The following CDH10 variants were observed in gnomAD, a reference collection of about 807,000 sequenced individuals.
CDH10 encodes cadherin-10.
CDH10 carries 30 observed loss-of-function variants against 73.1 expected under a neutral mutation model. That is an observed-to-expected ratio of 0.41 (90% CI 0.31 to 0.56). The LOEUF (loss-of-function observed/expected upper bound fraction) is 0.56. Ranked by LOEUF, CDH10 falls within the 20% of genes least tolerant of loss-of-function variation. The pLI is 0.27. For missense variants in CDH10, 815 were observed against 973.7 expected, an observed-to-expected ratio of 0.84 and a Z score of 2.17; for synonymous variants, 345 against 348.2, an observed-to-expected ratio of 0.99 and a Z score of 0.10.
At chr5:24,603,548 C>T (rs1418122607) in intron 1 of CDH10, among the ~76,000 whole-genome samples, 1 of 152,044 alleles carries the variant, frequency 6.6e-6, no homozygotes, top group Non-Finnish European at 1.5e-5. Context: ...TTGTAACTGT[C>T]ATATCAACAG....
chr5:24,537,400 A>G lies in CDH10; in HGVS notation c.506T>C (p.Val169Ala). The change falls in exon 3 of 12, where the codon GTT becomes GCT. Residue 169 changes from valine to alanine, a missense_variant. Around this residue, in one of 3 missense-constraint regions of CDH10, gnomAD observed 516 missense variants for 636.6 expected, o/e 0.81. Transcript: ENST00000264463. ...CTTACCTACAACAGACATTTCGGGAACACTAGCTGTATAGATTTCTTCTGG... is the reference window on the plus strand; with the variant it reads ...CTTACCTACAACAGACATTTCGGGAGCACTAGCTGTATAGATTTCTTCTGG... ...TFPEEIYTASVPEMSVVGTSV... is the reference protein window; with the variant it reads ...TFPEEIYTASAPEMSVVGTSV... 6.2e-7 allele frequency: 1 copy of G among 1,610,952 alleles called. No individual in the cohort carries two copies. Among genetic ancestry groups the G allele is most frequent in the Non-Finnish European group, 8.5e-7 (1 of 1,178,266 alleles).
At chr5:24,600,553 C>A (rs1746521947) in intron 1 of CDH10, among the ~76,000 whole-genome samples, 1 of 151,960 alleles carries the variant, frequency 6.6e-6, no homozygotes, top group Non-Finnish European at 1.5e-5. Flanking sequence ...TTGGAGGAAA[C>A]CACATCCTAC....
intron 8 of CDH10, among the ~76,000 whole-genome samples, chr5:24,500,666 T>G (rs1742459670): frequency 6.6e-6 from 1 of 152,234 alleles, no homozygotes; most frequent in Non-Finnish European, 1.5e-5. Context: ...CACAGTTACT[T>G]GTAAAATTAG....
intron 2 of CDH10, among the ~76,000 whole-genome samples, chr5:24,584,077 AT>A (rs985126778): frequency 1.2e-4 from 18 of 152,054 alleles, no homozygotes; most frequent in Non-Finnish European, 1.6e-4. Context: ...GAAGGCACAT[AT>A]TTTTTTCTTA....
intron 9 of CDH10, among the ~76,000 whole-genome samples, chr5:24,493,933 G>T (rs1742163649): frequency 6.6e-6 from 1 of 151,938 alleles, no homozygotes; most frequent in East Asian, 1.9e-4. Context: ...AAGAAATAAA[G>T]AAATTATTAC....
chr5:24,550,557 ATCT>A (rs1462614469), intron 2 of CDH10, among the ~76,000 whole-genome samples: 1 of 152,110 alleles, frequency 6.6e-6, no homozygotes, highest in Non-Finnish European at 1.5e-5. Flanking sequence ...TTCAGCTGAA[ATCT>A]TCTCTATCTT....
intron 5 of CDH10, among the ~76,000 whole-genome samples, chr5:24,516,466 G>A (rs538885457): frequency 8.3e-6 from 1 of 120,300 alleles, no homozygotes; most frequent in Admixed American, 7.9e-5. Flanking sequence ...TTTACTAATA[G>A]TGATTTTCAA....
Position 24,504,516 on chromosome 5 carries a change from T to G in CDH10, c.1393+596A>C, listed in dbSNP as rs1375089262. On this transcript the variant is annotated intron_variant, in intron 8 of 11. Transcript: ENST00000264463. ...TTTTCTCCTATTAATCTTTTTTTTT[T>G]TTTTTTTTTTTTTTTTTTTTTTTTT... Among the ~76,000 whole-genome samples, 231 of 30,380 alleles carry G rather than the reference T, an allele frequency of 7.6e-3. 51 individuals are homozygous for G. Among genetic ancestry groups the G allele is most frequent in the African/African-American group, 0.013 (162 of 12,180 alleles). The allele number at this position is 30,380 out of a possible 152,430, so 19.9% of individuals were successfully genotyped here.
At chr5:24,608,250 C>T (rs993460430) in intron 1 of CDH10, among the ~76,000 whole-genome samples, 16 of 151,976 alleles carry the variant, frequency 1.1e-4, no homozygotes, top group East Asian at 3.9e-4. Flanking sequence ...TGTCAACACA[C>T]GTGTTGTTTC....
chr5:24,514,249 A>C (rs574796585), intron 5 of CDH10, among the ~76,000 whole-genome samples: 1 of 152,280 alleles, frequency 6.6e-6, no homozygotes, highest in African/African-American at 2.4e-5. Context: ...AGCTTTACTC[A>C]GAGTTTCAAA....
At position 24,560,322 on chromosome 5, in the gene CDH10, T is replaced by C. The variant is rs539277739; in HGVS notation, c.232-22648A>G. Among the ~76,000 whole-genome samples the C allele has an allele frequency of 1.7e-3, 256 of 152,064 alleles. 1 individual carries two copies. The highest frequency in any genetic ancestry group is 3.4e-3 in the Middle Eastern group (1 of 294). Reference sequence around the variant, plus strand: ...TTAAACAGATCTGTAGGGAAATATGTTGGGAAAGAAGCCCAACCACCAACC... The same window carrying C: ...TTAAACAGATCTGTAGGGAAATATGCTGGGAAAGAAGCCCAACCACCAACC... On this transcript the variant is annotated intron_variant, in intron 2 of 11. Transcript: ENST00000264463.
At chr5:24,599,876 A>G (rs371568728) in intron 1 of CDH10, among the ~76,000 whole-genome samples, 1 of 152,164 alleles carries the variant, frequency 6.6e-6, no homozygotes, top group African/African-American at 2.4e-5. Flanking sequence ...TATTTGCACA[A>G]TACTAAAAAC....
intron 9 of CDH10, among the ~76,000 whole-genome samples, chr5:24,496,858 A>T (rs1204543401): frequency 1.3e-5 from 2 of 152,166 alleles, no homozygotes; most frequent in Non-Finnish European, 2.9e-5. Context: ...AATATATAAC[A>T]GTTTAGTTTA....
intron 5 of CDH10, among the ~76,000 whole-genome samples, chr5:24,523,084 C>T (rs1031716848): frequency 6.7e-6 from 1 of 148,584 alleles, no homozygotes; most frequent in South Asian, 2.2e-4. Context: ...ATACAGAAAA[C>T]GGGGATGGGG....
At chr5:24,538,372 C>T (rs1314071193) in intron 2 of CDH10, among the ~76,000 whole-genome samples, 1 of 152,048 alleles carries the variant, frequency 6.6e-6, no homozygotes, top group Non-Finnish European at 1.5e-5. Context: ...TAAAAACCTA[C>T]AAGGACAAAT....
At chr5:24,523,342 A>G (rs1743407217) in intron 5 of CDH10, among the ~76,000 whole-genome samples, 1 of 152,162 alleles carries the variant, frequency 6.6e-6, no homozygotes, top group Non-Finnish European at 1.5e-5. Flanking sequence ...TATTTTATAT[A>G]TGTATATATA....
chr5:24,503,897 A>T (rs186606752), intron 8 of CDH10, among the ~76,000 whole-genome samples: 4 of 152,192 alleles, frequency 2.6e-5, no homozygotes, highest in Non-Finnish European at 5.9e-5. Flanking sequence ...AGAAGTAGTA[A>T]TATCTACCTA....
intron 1 of CDH10, among the ~76,000 whole-genome samples, chr5:24,644,305 G>A (rs1193740362): frequency 6.6e-6 from 1 of 152,118 alleles, no homozygotes; most frequent in African/African-American, 2.4e-5. Flanking sequence ...TTTAGCATTT[G>A]TTCCAAGTGA....
intron 11 of CDH10, among the ~76,000 whole-genome samples, chr5:24,490,859 C>T (rs757322562): frequency 6.6e-6 from 1 of 152,112 alleles, no homozygotes; most frequent in Non-Finnish European, 1.5e-5. Context: ...GGGAAGTGCT[C>T]ATATGTCAAG....
Sources: gnomAD v4.1 joint callset for allele counts (sites outside exome capture counted in the v4.1 genomes callset) on GRCh38, gnomAD v4.1.1 for gene constraint, gnomAD v4.1.1 regional missense constraint, MANE v1.5 for transcripts, NCBI Gene and HGNC (gene_info 2026-07-23, HGNC 2026-07-21) for gene names.